FAM193B: variants seen among roughly 807,000 people sequenced by gnomAD.
FAM193B encodes family with sequence similarity 193 member B, also known as protein FAM193B.
Under a neutral mutation model 70.7 loss-of-function variants are expected in FAM193B, and 27 were observed. The ratio of observed to expected loss-of-function variants is 0.38; its 90% CI spans 0.28 to 0.53. The LOEUF (loss-of-function observed/expected upper bound fraction) is 0.53, where lower values mean the gene tolerates loss of function less well. Ranked by LOEUF, FAM193B falls within the 20% of genes least tolerant of loss-of-function variation. The pLI is 0.81. For synonymous variants in FAM193B, 448 were observed against 436.0 expected (o/e 1.03, Z -0.34); for missense variants, 1,022 against 1,072.5 (o/e 0.95, Z 0.66).
intron 1 of FAM193B, among the ~76,000 whole-genome samples, chr5:177,551,615 A>G (rs1766256367): frequency 6.6e-6 from 1 of 152,362 alleles, no homozygotes; most frequent in East Asian, 1.9e-4. Flanking sequence ...CCCAAATCCA[A>G]ATGTGTGGGA....
chr5:177,525,214 G>A lies in FAM193B; in HGVS notation c.1276-9C>T. 6.9e-7 allele frequency: 1 copy of A among 1,445,648 alleles called. No individual in the cohort carries two copies. The highest frequency in any genetic ancestry group is 1.5e-5 in the South Asian group (1 of 64,706). 89.6% of individuals were successfully genotyped at this position (1,445,648 alleles called of 1,614,324 possible). ...TGGGCCTTCTCCTTTTCCTGCCAAG[G>A]CAAGAGGCAGTTTTAGCAGGAGGCT... On this transcript the variant is annotated splice_polypyrimidine_tract_variant and intron_variant, in intron 5 of 8. Coordinates refer to ENST00000514747, the MANE Select transcript of FAM193B (RefSeq NM_001190946.3).
intron 4 of FAM193B, 87 bp downstream of exon 4, chr5:177,536,271 T>G (rs984113244): frequency 7.3e-7 from 1 of 1,375,820 alleles, no homozygotes; most frequent in Non-Finnish European, 1.0e-6. Context: ...GTCTACTTTT[T>G]AATTGCCACC....
intron 5 of FAM193B, chr5:177,531,295 T>C: frequency 7.5e-7 from 1 of 1,330,334 alleles, no homozygotes; most frequent in South Asian, 1.2e-5. Context: ...CTTTTTCAGC[T>C]TGTGCCGGGC....
intron 5 of FAM193B, among the ~76,000 whole-genome samples, chr5:177,529,661 T>C (rs1355321336): frequency 1.3e-5 from 2 of 152,240 alleles, no homozygotes; most frequent in African/African-American, 2.4e-5. Context: ...GAAGGAAAGT[T>C]TGTCAGAAGA....
At chr5:177,543,813 ACTTTC>A (rs1765119684) in intron 1 of FAM193B, among the ~76,000 whole-genome samples, 1 of 152,226 alleles carries the variant, frequency 6.6e-6, no homozygotes, top group South Asian at 2.1e-4. Flanking sequence ...GTCAACCCAG[ACTTTC>A]AATCAGCTGC....
chr5:177,524,277 G>T lies in FAM193B; in HGVS notation c.2204C>A (p.Pro735His), dbSNP rs1581839164. 12 of 1,580,850 alleles carry T rather than the reference G, an allele frequency of 7.6e-6. No homozygotes were observed. The East Asian group carries it at 2.8e-4, about 36-fold the overall frequency. ...ARPQEQESVQPSGPARPQSLP... is the reference protein window; with the variant it reads ...ARPQEQESVQHSGPARPQSLP... ...GCTCTGTGGCCTTGCTGGGCCTGAG[G>T]GCTGCACAGACTCCTGCTCCTGAGG... is the stretch of plus-strand genomic sequence containing the variant. The change falls in exon 6 of 9, where the codon CCC (proline) becomes CAC (histidine). Residue 735 changes from proline (P) to histidine (H), a missense_variant. Pro to His is a moderately conservative substitution (Grantham distance 77). Coordinates refer to ENST00000514747, the MANE Select transcript of FAM193B (RefSeq NM_001190946.3).
intron 1 of FAM193B, among the ~76,000 whole-genome samples, chr5:177,547,901 C>T (rs1371802057): frequency 2.0e-5 from 3 of 152,150 alleles, no homozygotes; most frequent in Admixed American, 2.0e-4. Context: ...AACCATGCAG[C>T]TGCTGTGCTG....
intron 1 of FAM193B, among the ~76,000 whole-genome samples, chr5:177,549,700 A>G (rs900650679): frequency 6.6e-6 from 1 of 152,244 alleles, no homozygotes; most frequent in African/African-American, 2.4e-5. Context: ...CTGCATGCGC[A>G]GCTAGCCCAG....
At chr5:177,552,115 A>C in intron 1 of FAM193B, 1 of 970,796 alleles carries the variant, frequency 1.0e-6, no homozygotes, top group Non-Finnish European at 1.2e-6. Context: ...AGTTGCTCTG[A>C]GTTTCTGTTT....
chr5:177,529,932 C>T (rs913697980), intron 5 of FAM193B, among the ~76,000 whole-genome samples: 2 of 152,132 alleles, frequency 1.3e-5, no homozygotes, highest in Non-Finnish European at 2.9e-5. Flanking sequence ...CTACTTCAGG[C>T]GGCGGGAGAA....
Position 177,524,217 on chromosome 5 carries a change from C to T in FAM193B, c.2264G>A (p.Arg755His), listed in dbSNP as rs753646085. 8.4e-6 allele frequency: 13 copies of T among 1,543,756 alleles called. No individual in the cohort carries two copies. Among genetic ancestry groups the T allele is most frequent in the East Asian group, 4.6e-5 (2 of 43,444 alleles). ...GGAGGCTGGCTTCTCCTGCTTGTTGCGGCTCCGGCGGCTGCGGCCCTTGCC... is the reference window on the plus strand; with the variant it reads ...GGAGGCTGGCTTCTCCTGCTTGTTGTGGCTCCGGCGGCTGCGGCCCTTGCC... ...PQGKGRSRRSRNKQEKPASSL... is the reference protein window; with the variant it reads ...PQGKGRSRRSHNKQEKPASSL... Residue 755 changes from arginine to histidine, a missense_variant, in exon 6 of 9, where the codon CGC becomes CAC. Coordinates refer to ENST00000514747, the MANE Select transcript of FAM193B (RefSeq NM_001190946.3).
Position 177,532,221 on chromosome 5 carries a change from T to G in FAM193B, c.1275+222A>C. The G allele has an allele frequency of 6.6e-7, 1 of 1,507,550 alleles. No individual in the cohort carries two copies. Among genetic ancestry groups the G allele is most frequent in the Non-Finnish European group, 8.8e-7 (1 of 1,132,782 alleles). The allele number at this position is 1,507,550 out of a possible 1,614,324, so 93.4% of individuals were successfully genotyped here. ...TTTGCCTAAGGAAAAAAAGTCAATCTTAAGAGAAACCATGAGAAGAGCAAA... is the reference window on the plus strand; with the variant it reads ...TTTGCCTAAGGAAAAAAAGTCAATCGTAAGAGAAACCATGAGAAGAGCAAA... On this transcript the variant is annotated intron_variant, in intron 5 of 8. Transcript: ENST00000514747. This position sits in a 1 kb window ranked among gnomAD's most constrained non-coding sequence, Gnocchi z 4.9.
In FAM193B at chr5:177,524,290, CCTG is replaced by C. The variant is rs1561748457; in HGVS notation, c.2188_2190del (p.Gln730del). 1.3e-6 allele frequency: 2 copies of C among 1,585,308 alleles called. No individual in the cohort carries two copies. The highest frequency in any genetic ancestry group is 2.3e-5 in the South Asian group (2 of 87,182). On this transcript the variant is annotated inframe_deletion, in exon 6 of 9. Transcript: ENST00000514747. ...GCTGGGCCTGAGGGCTGCACAGACT[CCTG>C]CTCCTGAGGCCGTGCCTTGGCCTCG...
intron 5 of FAM193B, among the ~76,000 whole-genome samples, chr5:177,530,682 G>C (rs555410115): frequency 3.9e-4 from 60 of 152,296 alleles, no homozygotes; most frequent in African/African-American, 1.3e-3. Context: ...TCACCGGTAG[G>C]ATAAAGCCAC....
At position 177,538,279 on chromosome 5, in the gene FAM193B, T is replaced by C. The variant is rs1311100393; in HGVS notation, c.454-172A>G. Reference sequence around the variant, plus strand: ...GAACAAATGAGGGCCAGGCCTTTGCTGGGAAAGGGCTGCGGTGGTCCCACT... The same window carrying C: ...GAACAAATGAGGGCCAGGCCTTTGCCGGGAAAGGGCTGCGGTGGTCCCACT... On this transcript the variant is annotated intron_variant, in intron 2 of 8. Transcript: ENST00000514747. The surrounding 1 kb of genome is among the most constrained non-coding windows in gnomAD (Gnocchi z 4.1). Among the ~76,000 whole-genome samples, 1 of 152,116 alleles carries C rather than the reference T, an allele frequency of 6.6e-6. No individual in the cohort carries two copies. Among genetic ancestry groups the C allele is most frequent in the Non-Finnish European group, 1.5e-5 (1 of 68,008 alleles).
chr5:177,532,000 G>T (rs762271868), intron 5 of FAM193B: 1 of 1,290,868 alleles, frequency 7.7e-7, no homozygotes, highest in South Asian at 1.2e-5. Context: ...GAGCCAGCAT[G>T]CCCTCTGATC....
At chr5:177,535,392 A>G (rs1764055995) in intron 4 of FAM193B, among the ~76,000 whole-genome samples, 1 of 152,270 alleles carries the variant, frequency 6.6e-6, no homozygotes, top group Non-Finnish European at 1.5e-5. Context: ...TCCAATAGGA[A>G]GATAGAAATG....
At chr5:177,529,022 A>C (rs1763055111) in intron 5 of FAM193B, among the ~76,000 whole-genome samples, 2 of 152,060 alleles carry the variant, frequency 1.3e-5, no homozygotes, top group African/African-American at 4.8e-5. Context: ...CTGCCCTCCT[A>C]CCAATACTTA....
intron 1 of FAM193B, among the ~76,000 whole-genome samples, chr5:177,552,386 T>C (rs1163776628): frequency 1.3e-5 from 2 of 152,174 alleles, no homozygotes; most frequent in Admixed American, 6.5e-5. Flanking sequence ...GCAGGTCAAG[T>C]AGTGGAGTAG....
Sources: allele counts gnomAD v4.1 joint callset (sites outside exome capture counted in the v4.1 genomes callset), GRCh38; gene constraint gnomAD v4.1.1; non-coding constraint Gnocchi (gnomAD v3.1); transcripts MANE v1.5; gene names NCBI Gene and HGNC (gene_info 2026-07-23, HGNC 2026-07-21).